KLHL2: variants seen among roughly 807,000 people sequenced by gnomAD.
The protein encoded by KLHL2 is kelch-like protein 2.
In KLHL2, 15 loss-of-function variants were observed where a neutral mutation model predicts 75.8. That is an observed-to-expected ratio of 0.20 (90% CI 0.13 to 0.30). The LOEUF is 0.30. Among genes scored for constraint, KLHL2 ranks in the 10% least tolerant of loss-of-function variants. KLHL2 has a pLI of 1.00. For synonymous variants in KLHL2, 214 were observed against 251.9 expected (o/e 0.85, Z 1.42); for missense variants, 381 against 741.0 (o/e 0.51, Z 5.64).
chr4:165,237,456 T>C (rs992810527), intron 3 of KLHL2, among the ~76,000 whole-genome samples: 27 of 150,856 alleles, frequency 1.8e-4, no homozygotes, highest in African/African-American at 6.4e-4. Flanking sequence ...TTTTGGGATA[T>C]TTTAGCTCTG....
chr4:165,297,384 T>C (rs982257370), intron 6 of KLHL2, among the ~76,000 whole-genome samples: 20 of 151,758 alleles, frequency 1.3e-4, no homozygotes, highest in African/African-American at 4.9e-4. Flanking sequence ...AGAATATCAC[T>C]TTGCTTTATT....
intron 2 of KLHL2, among the ~76,000 whole-genome samples, chr4:165,224,714 C>G (rs1738293003): frequency 6.6e-6 from 1 of 152,214 alleles, no homozygotes; most frequent in South Asian, 2.1e-4. Flanking sequence ...GTGAATTAAA[C>G]AGTGAACTTA....
In KLHL2 at chr4:165,313,309, G is replaced by C. The variant is rs369927960; in HGVS notation, c.1411G>C (p.Ala471Pro). Reference protein sequence around the residue: ...QCLSTVECYNATTNEWTYIAE... With the variant: ...QCLSTVECYNPTTNEWTYIAE... ...TCTTAGCACAGTAGAATGCTATAAT[G>C]CTACAACAAATGAGTGGACCTATAT... Residue 471 changes from alanine to proline, a missense_variant, in exon 12 of 15, where the codon GCT becomes CCT. By Grantham distance (27) the Ala-to-Pro change is conservative. Around this residue, in one of 5 missense-constraint regions of KLHL2, gnomAD observed 168 missense variants for 370.4 expected, o/e 0.45. Transcript: ENST00000226725. The C allele has an allele frequency of 9.4e-6, 15 of 1,593,030 alleles. No homozygotes were observed. The highest frequency in any genetic ancestry group is 1.8e-5 in the Admixed American group (1 of 55,812).
chr4:165,279,602 G>A (rs1743484077), intron 5 of KLHL2: 2 of 1,610,110 alleles, frequency 1.2e-6, no homozygotes, highest in African/African-American at 2.7e-5. Context: ...TTGGTCCACT[G>A]CCCCCACCAA....
intron 5 of KLHL2, chr4:165,279,736 G>C (rs1244094452): frequency 2.6e-5 from 25 of 970,936 alleles, no homozygotes; most frequent in Non-Finnish European, 4.2e-5. Context: ...TCCAAAGAGC[G>C]AGGCCGCGCG....
chr4:165,300,003 T>C (rs1745228709), intron 8 of KLHL2, among the ~76,000 whole-genome samples: 1 of 152,154 alleles, frequency 6.6e-6, no homozygotes, highest in South Asian at 2.1e-4. Flanking sequence ...GATTTCTCTG[T>C]AGGCCTGGGG....
At chr4:165,302,178 T>C (rs191507385) in intron 8 of KLHL2, among the ~76,000 whole-genome samples, 61 of 152,322 alleles carry the variant, frequency 4.0e-4, no homozygotes, top group African/African-American at 1.4e-3. Context: ...TGCTTTGACT[T>C]TGCATGTTTA....
chr4:165,277,748 A>AAACAAAACAAAACAAAAC (rs370662927), intron 5 of KLHL2: 1 of 491,650 alleles, frequency 2.0e-6, no homozygotes, highest in African/African-American at 2.0e-5. Context: ...GGATGTTAAA[A>AAACAAAACAAAACAAAAC]ACACACACAC....
chr4:165,282,676 T>C (rs1249488572), intron 5 of KLHL2, among the ~76,000 whole-genome samples: 1 of 148,170 alleles, frequency 6.7e-6, no homozygotes, highest in Non-Finnish European at 1.5e-5. Context: ...TGGGAAAATA[T>C]AATGCTCTCT....
intron 9 of KLHL2, among the ~76,000 whole-genome samples, chr4:165,306,378 A>G (rs1241601629): frequency 6.6e-6 from 1 of 152,246 alleles, no homozygotes; most frequent in Non-Finnish European, 1.5e-5. Flanking sequence ...TTTGGTCTGG[A>G]CATAGTTTTT....
chr4:165,294,489 C>G, intron 6 of KLHL2, 21 bp downstream of exon 6: 1 of 1,371,126 alleles, frequency 7.3e-7, no homozygotes, highest in Non-Finnish European at 1.0e-6. Context: ...TTTTCTTTTC[C>G]CAGTGTGCAA....
chr4:165,278,127 C>T (rs776439221), intron 5 of KLHL2: 16 of 1,544,028 alleles, frequency 1.0e-5, no homozygotes, highest in African/African-American at 2.7e-5. Flanking sequence ...GACTTCATCA[C>T]AGCTTTCTTC....
intron 5 of KLHL2, among the ~76,000 whole-genome samples, chr4:165,293,278 A>G (rs773392968): frequency 3.4e-4 from 52 of 152,244 alleles, no homozygotes; most frequent in Middle Eastern, 3.4e-3. Flanking sequence ...CAGATACTAC[A>G]CTTGATCTTA....
At chr4:165,212,571 A>G (rs554064264) in intron 1 of KLHL2, among the ~76,000 whole-genome samples, 147 of 152,262 alleles carry the variant, frequency 9.7e-4, no homozygotes, top group African/African-American at 3.4e-3. Context: ...GCTTTTTATG[A>G]TAGCTCTTTT....
intron 4 of KLHL2, among the ~76,000 whole-genome samples, chr4:165,251,897 C>T (rs992060305): frequency 1.3e-5 from 2 of 152,158 alleles, no homozygotes; most frequent in African/African-American, 4.8e-5. Flanking sequence ...GCGTGAGCCA[C>T]CGCGCCCGGC....
chr4:165,214,968 A>G (rs1737438691), intron 1 of KLHL2, among the ~76,000 whole-genome samples: 1 of 152,134 alleles, frequency 6.6e-6, no homozygotes, highest in African/African-American at 2.4e-5. Context: ...AAGATACCTC[A>G]TATTCAGTTC....
chr4:165,207,902 C>G lies in KLHL2; in HGVS notation c.26C>G (p.Ala9Gly), dbSNP rs1214921913. 2.8e-6 allele frequency: 4 copies of G among 1,432,432 alleles called. No individual in the cohort carries two copies. The highest frequency in any genetic ancestry group is 3.7e-6 in the Non-Finnish European group (4 of 1,085,220). 88.7% of individuals were successfully genotyped at this position (1,432,432 alleles called of 1,614,324 possible). A position where few individuals can be genotyped will look rare whatever the true frequency, so the allele number is the denominator to read the frequency against. ...ATGGAGACGCCGCCGCTGCCTCCCG[C>G]GTGAGTGAGCGGGCGGGCGGGCTGC... METPPLPP[A>G]CTKQGHQKPL... is the part of the protein sequence containing the mutation. Residue 9 changes from alanine to glycine, a missense_variant and splice_region_variant, in exon 1 of 15, where the codon GCA (alanine) becomes GGA (glycine). By Grantham distance (60) the Ala-to-Gly change is moderately conservative. This residue lies in a region of KLHL2 where 48 missense variants were observed against 88.9 expected (regional missense o/e 0.54). Coordinates refer to ENST00000226725, the MANE Select transcript of KLHL2 (RefSeq NM_007246.4). The surrounding 1 kb of genome is among the most constrained non-coding windows in gnomAD (Gnocchi z 4.2).
intron 13 of KLHL2, 66 bp downstream of exon 13, chr4:165,314,232 C>G: frequency 7.3e-7 from 1 of 1,362,804 alleles, no homozygotes; most frequent in Non-Finnish European, 1.0e-6. Context: ...TGGTATCACT[C>G]TATCAATGAA....
chr4:165,268,275 A>G (rs1742402743), intron 5 of KLHL2, among the ~76,000 whole-genome samples: 1 of 151,880 alleles, frequency 6.6e-6, no homozygotes, highest in African/African-American at 2.4e-5. Context: ...TCCTGGATTC[A>G]TTGATTTTTT....
Sources: gnomAD v4.1 joint callset for allele counts (sites outside exome capture counted in the v4.1 genomes callset) on GRCh38, gnomAD v4.1.1 for gene constraint, gnomAD v4.1.1 regional missense constraint, Gnocchi (gnomAD v3.1) non-coding constraint, MANE v1.5 for transcripts, NCBI Gene and HGNC (gene_info 2026-07-23, HGNC 2026-07-21) for gene names.